Variants in VPS39 observed in about 807,000 individuals in gnomAD.
VPS39 encodes the protein VPS39 subunit of HOPS complex, also known as vam6/Vps39-like protein.
In VPS39, 70 loss-of-function variants were observed where a neutral mutation model predicts 121.0. The ratio of observed to expected loss-of-function variants is 0.58; its 90% CI spans 0.48 to 0.71. The LOEUF (loss-of-function observed/expected upper bound fraction) is 0.71, where lower values mean the gene tolerates loss of function less well. Ranked by LOEUF, VPS39 falls within the 30% of genes least tolerant of loss-of-function variation. The pLI is 0.00. For missense variants in VPS39, 818 were observed against 1,051.5 expected (o/e 0.78, Z 3.07); for synonymous variants, 378 against 398.1 (o/e 0.95, Z 0.60).
chr15:42,180,476 T>A (rs1044198223), intron 8 of VPS39, among the ~76,000 whole-genome samples: 1 of 152,210 alleles, frequency 6.6e-6, no homozygotes, highest in Admixed American at 6.5e-5. Context: ...AGCAGAACAA[T>A]TCCACACAGT....
At chr15:42,171,925 A>G (rs1012542427) in intron 11 of VPS39, among the ~76,000 whole-genome samples, 14 of 152,034 alleles carry the variant, frequency 9.2e-5, no homozygotes, top group Non-Finnish European at 2.1e-4. Flanking sequence ...AGCAGAGGGG[A>G]GCCAAACCTC....
intron 2 of VPS39, among the ~76,000 whole-genome samples, chr15:42,196,621 G>C (rs2049944435): frequency 6.6e-6 from 1 of 152,178 alleles, no homozygotes; most frequent in Admixed American, 6.5e-5. Context: ...AAACCACAAT[G>C]AGATACCATC....
chr15:42,192,787 GT>G (rs111325232), intron 2 of VPS39, among the ~76,000 whole-genome samples: 22,827 of 150,066 alleles, frequency 0.15, 2,342 homozygotes, highest in African/African-American at 0.27. Context: ...GTTTTGTTTT[GT>G]TTTTTTTTGA....
chr15:42,208,276 CCTT>C lies in VPS39; in HGVS notation c.-126_-124del. 1 of 1,275,704 alleles carries C rather than the reference CCTT, an allele frequency of 7.8e-7. No individual in the cohort carries two copies. Among genetic ancestry groups the C allele is most frequent in the Non-Finnish European group, 1.1e-6 (1 of 929,490 alleles). 79.0% of individuals were successfully genotyped at this position (1,275,704 alleles called of 1,614,324 possible). A position where few individuals can be genotyped will look rare whatever the true frequency, so the allele number is the denominator to read the frequency against. On this transcript the variant is annotated 5_prime_UTR_variant, in exon 1 of 25. Transcript: ENST00000318006. ...GGCCAGGAACCCCCCGGCTACAGGC[CCTT>C]CAACAACACAGCCATCGTCAACCCC...
chr15:42,179,656 G>C, intron 8 of VPS39, among the ~76,000 whole-genome samples: 1 of 150,486 alleles, frequency 6.6e-6, no homozygotes, highest in East Asian at 1.9e-4. Flanking sequence ...AAATAAAAAA[G>C]AAAGGTAGGG....
chr15:42,181,514 A>G (rs1192579004), intron 8 of VPS39, among the ~76,000 whole-genome samples: 1 of 152,220 alleles, frequency 6.6e-6, no homozygotes, highest in Non-Finnish European at 1.5e-5. Context: ...TTAACTGTAC[A>G]CTTAAAAATG....
At chr15:42,187,220 T>G in intron 7 of VPS39, 51 bp downstream of exon 7, 1 of 1,467,148 alleles carries the variant, frequency 6.8e-7, no homozygotes, top group Non-Finnish European at 9.3e-7. Flanking sequence ...GAGCAGATAA[T>G]CATCTTCCCC....
intron 2 of VPS39, among the ~76,000 whole-genome samples, chr15:42,197,882 C>G (rs1402398738): frequency 6.6e-6 from 1 of 152,190 alleles, no homozygotes; most frequent in Non-Finnish European, 1.5e-5. Context: ...GGGCCCAGGT[C>G]TATTTCTGGC....
Position 42,166,894 on chromosome 15 carries a change from G to A in VPS39, c.1397C>T (p.Ala466Val). The A allele has an allele frequency of 1.2e-6, 2 of 1,614,206 alleles. No individual in the cohort carries two copies. The highest frequency in any genetic ancestry group is 1.1e-5 in the South Asian group (1 of 91,088). Residue 466 changes from alanine (A) to valine (V), a missense_variant, in exon 14 of 25, where the codon GCC becomes GTC. Ala to Val is a moderately conservative substitution (Grantham distance 64). Coordinates refer to ENST00000318006, the MANE Select transcript of VPS39 (RefSeq NM_015289.5). The stretch of plus-strand genomic sequence containing the variant: ...ATTGTTCTCCAGGCGTAGCAAGGGG[G>A]CCACCAGGGCCACATTTGTCTGCAG... ...CYLHTNVALV[A>V]PLLRLENNHC...
At chr15:42,206,374 A>T (rs1355955270) in intron 1 of VPS39, among the ~76,000 whole-genome samples, 1 of 152,216 alleles carries the variant, frequency 6.6e-6, no homozygotes, top group Admixed American at 6.5e-5. Context: ...TTGTAACCTA[A>T]TATGTACCTA....
intron 10 of VPS39, among the ~76,000 whole-genome samples, chr15:42,174,200 T>C (rs1566896081): frequency 2.0e-5 from 3 of 151,672 alleles, no homozygotes; most frequent in African/African-American, 4.9e-5. Flanking sequence ...TGGGCCAAGA[T>C]CATGCCACTG....
chr15:42,208,081 C>A lies in VPS39; in HGVS notation c.73G>T (p.Glu25Ter). The A allele has an allele frequency of 6.3e-7, 1 of 1,580,434 alleles. No homozygotes were observed. The change falls in exon 1 of 25, where the codon GAG becomes TAG. Residue 25 changes from glutamate (E) to a stop codon, truncating the protein, a stop_gained and splice_region_variant. Transcript: ENST00000318006. LOFTEE classifies it high-confidence loss of function. Reference protein sequence around the residue: ...PLQIDCLAAWEEWLLVGTKQG... With the variant: ...PLQIDCLAAW ...TCGGCCCCGCGGCCCCTCGGCTCACCCCAGGCAGCCAGACAGTCGATTTGC... is the reference window on the plus strand; with the variant it reads ...TCGGCCCCGCGGCCCCTCGGCTCACACCAGGCAGCCAGACAGTCGATTTGC...
intron 1 of VPS39, among the ~76,000 whole-genome samples, chr15:42,203,564 T>C (rs665262): frequency 0.066 from 9,968 of 151,242 alleles, 859 homozygotes; most frequent in African/African-American, 0.18. Flanking sequence ...ACTTGAACAC[T>C]GGCGGCGGAG....
intron 8 of VPS39, among the ~76,000 whole-genome samples, chr15:42,183,931 C>T (rs1171434924): frequency 6.6e-6 from 1 of 151,796 alleles, no homozygotes; most frequent in Non-Finnish European, 1.5e-5. Context: ...TGGTTATATG[C>T]TTCCAGGCAA....
intron 24 of VPS39, chr15:42,161,477 A>AC (rs1306289833): frequency 1.6e-5 from 11 of 698,476 alleles, no homozygotes; most frequent in Non-Finnish European, 2.9e-5. Flanking sequence ...TCCATACCAT[A>AC]CATTGCAGGT....
At chr15:42,199,874 T>C (rs779073521) in intron 2 of VPS39, 22 bp downstream of exon 2, 10 of 1,560,092 alleles carry the variant, frequency 6.4e-6, no homozygotes, top group Admixed American at 2.2e-5. Flanking sequence ...CTTATTTTTT[T>C]GCATGAGCAA....
rs1398495403 is a variant in VPS39 at position 42,183,607 on chromosome 15, T to A, written c.718+910A>T. Among the ~76,000 whole-genome samples the A allele has an allele frequency of 6.6e-5, 10 of 152,202 alleles. No individual in the cohort carries two copies. The South Asian group carries it at 2.1e-3, about 32-fold the overall frequency. ...CATTTATTGGGCTTTCTGCCTAGATTGAATGGAAATTTTTCTTCAAGCCAG... is the reference window on the plus strand; with the variant it reads ...CATTTATTGGGCTTTCTGCCTAGATAGAATGGAAATTTTTCTTCAAGCCAG... On this transcript the variant is annotated intron_variant, in intron 8 of 24. Coordinates refer to ENST00000318006, the MANE Select transcript of VPS39 (RefSeq NM_015289.5).
chr15:42,199,850 G>A, intron 2 of VPS39, 46 bp downstream of exon 2: 1 of 1,542,262 alleles, frequency 6.5e-7, no homozygotes, highest in East Asian at 2.3e-5. Context: ...TTGTATACTA[G>A]CTGACTATTA....
At chr15:42,178,746 T>G in intron 8 of VPS39, 176 bp from the exon 9 acceptor site, 1 of 871,320 alleles carries the variant, frequency 1.1e-6, no homozygotes, top group Non-Finnish European at 1.7e-6. Context: ...AATTGGCCTG[T>G]AATCCCAGCA....
Sources: gnomAD v4.1 joint callset for allele counts (sites outside exome capture counted in the v4.1 genomes callset) on GRCh38, gnomAD v4.1.1 for gene constraint, MANE v1.5 for transcripts, NCBI Gene and HGNC (gene_info 2026-07-23, HGNC 2026-07-21) for gene names.